The following TRPM6 variants were observed in gnomAD, a reference collection of about 807,000 sequenced individuals.
TRPM6 encodes the protein channel kinase 2.
Under a neutral mutation model 247.6 loss-of-function variants are expected in TRPM6, and 111 were observed. That is an observed-to-expected ratio of 0.45 (90% CI 0.38 to 0.52). The LOEUF (loss-of-function observed/expected upper bound fraction) is 0.52, where lower values mean the gene tolerates loss of function less well. Among genes scored for constraint, TRPM6 ranks in the 20% least tolerant of loss-of-function variants. The pLI is 0.00. For missense variants in TRPM6, 2,126 were observed against 2,421.5 expected, an observed-to-expected ratio of 0.88 and a Z score of 2.56; for synonymous variants, 892 against 853.8, an observed-to-expected ratio of 1.04 and a Z score of -0.78.
chr9:74,736,867 C>T (rs1184953046), intron 36 of TRPM6, among the ~76,000 whole-genome samples: 2 of 152,160 alleles, frequency 1.3e-5, no homozygotes, highest in Non-Finnish European at 2.9e-5. Context: ...AATCCCCAAA[C>T]ATAAACATCA....
At chr9:74,779,732 G>A (rs765942928) in intron 23 of TRPM6, among the ~76,000 whole-genome samples, 2 of 152,240 alleles carry the variant, frequency 1.3e-5, no homozygotes, top group Non-Finnish European at 2.9e-5. Flanking sequence ...GAGAAGAGGT[G>A]AGGAAGTGGC....
At chr9:74,847,826 A>G (rs546221778) in intron 3 of TRPM6, among the ~76,000 whole-genome samples, 60 of 152,242 alleles carry the variant, frequency 3.9e-4, no homozygotes, top group African/African-American at 1.3e-3. Flanking sequence ...AAAAATAGAT[A>G]AATAATGAAG....
intron 28 of TRPM6, 127 bp from the exon 29 acceptor site, chr9:74,752,495 T>A: frequency 1.6e-6 from 1 of 636,530 alleles, no homozygotes; most frequent in Non-Finnish European, 2.7e-6. Context: ...TCCCTTTCTG[T>A]TTTTAGCAAG....
chr9:74,853,864 A>AAAAT (rs1830444557), intron 3 of TRPM6, among the ~76,000 whole-genome samples: 1 of 152,158 alleles, frequency 6.6e-6, no homozygotes, highest in African/African-American at 2.4e-5. Context: ...TAAATACTAA[A>AAAAT]AAAATAAAAT....
chr9:74,838,847 C>A lies in TRPM6; in HGVS notation c.544+1177G>T, dbSNP rs144625106. 7.2e-3 allele frequency among the ~76,000 whole-genome samples: 1,094 copies of A among 152,192 alleles called. 5 individuals carry two copies. Among genetic ancestry groups the A allele is most frequent in the Non-Finnish European group, 0.011 (770 of 68,014 alleles). On this transcript the variant is annotated intron_variant, in intron 5 of 38. Coordinates refer to ENST00000360774, the MANE Select transcript of TRPM6 (RefSeq NM_017662.5). ...AGGTTAGGCCAGACATGGTGGCTCACGCCTGTAATCCCAGCACTTTGGGAG... is the reference window on the plus strand; with the variant it reads ...AGGTTAGGCCAGACATGGTGGCTCAAGCCTGTAATCCCAGCACTTTGGGAG...
At chr9:74,802,276 T>C (rs1587522736) in intron 15 of TRPM6, 101 bp from the exon 16 acceptor site, 1 of 1,063,144 alleles carries the variant, frequency 9.4e-7, no homozygotes, top group East Asian at 2.5e-5. Context: ...TTTTAATCAC[T>C]ACTAAAAAAG....
At chr9:74,735,583 T>C (rs1322401581) in intron 36 of TRPM6, among the ~76,000 whole-genome samples, 3 of 152,220 alleles carry the variant, frequency 2.0e-5, no homozygotes, top group African/African-American at 4.8e-5. Flanking sequence ...TAAAAATTAA[T>C]ATTAATATCT....
intron 5 of TRPM6, among the ~76,000 whole-genome samples, chr9:74,838,673 TA>T (rs1829807302): frequency 6.6e-6 from 1 of 152,160 alleles, no homozygotes; most frequent in South Asian, 2.1e-4. Flanking sequence ...CAAAAGTGAG[TA>T]GCTCTAGTTG....
chr9:74,722,819 G>A lies in TRPM6; in HGVS notation c.*1794C>T, dbSNP rs1325990655. On this transcript the variant is annotated 3_prime_UTR_variant, in exon 39 of 39. Coordinates refer to ENST00000360774, the MANE Select transcript of TRPM6 (RefSeq NM_017662.5). Reference sequence around the variant, plus strand: ...GTGGAACTCAAACTTACAAGAATCAGAGGCAATCATTGGCAAACTAAATTC... The same window carrying A: ...GTGGAACTCAAACTTACAAGAATCAAAGGCAATCATTGGCAAACTAAATTC... 2 of 152,204 alleles carry A rather than the reference G, an allele frequency of 1.3e-5. No individual in the cohort carries two copies. Among genetic ancestry groups the A allele is most frequent in the Non-Finnish European group, 2.9e-5 (2 of 68,036 alleles). 9.4% of individuals were successfully genotyped at this position (152,204 alleles called of 1,614,324 possible). A position where few individuals can be genotyped will look rare whatever the true frequency, so the allele number is the denominator to read the frequency against.
At chr9:74,879,704 G>A (rs1831300267) in intron 1 of TRPM6, among the ~76,000 whole-genome samples, 1 of 152,182 alleles carries the variant, frequency 6.6e-6, no homozygotes, top group African/African-American at 2.4e-5. Context: ...AACACATAGA[G>A]GTTCCTGAAG....
Position 74,771,824 on chromosome 9 carries a change from T to C in TRPM6, c.3415A>G (p.Ser1139Gly). Residue 1139 changes from serine (S) to glycine (G), a missense_variant, in exon 25 of 39, where the codon AGT becomes GGT. By Grantham distance (56) the Ser-to-Gly change is moderately conservative. This residue lies in a region of TRPM6 where 717 missense variants were observed against 715.9 expected (regional missense o/e 1.00). Transcript: ENST00000360774. ...EGDVGLKLYLSKEDLKKLHDF... is the reference protein window; with the variant it reads ...EGDVGLKLYLGKEDLKKLHDF... Reference sequence around the variant, plus strand: ...TGAAGTTTTTTCAGATCCTCCTTACTGAGGTAGAGTTCTATAGAAATAAGT... The same window carrying C: ...TGAAGTTTTTTCAGATCCTCCTTACCGAGGTAGAGTTCTATAGAAATAAGT... The C allele has an allele frequency of 1.9e-6, 3 of 1,613,768 alleles. No individual in the cohort carries two copies. Among genetic ancestry groups the C allele is most frequent in the Non-Finnish European group, 2.5e-6 (3 of 1,179,762 alleles).
intron 38 of TRPM6, 78 bp from the exon 39 acceptor site, chr9:74,724,824 C>G: frequency 1.3e-6 from 2 of 1,582,378 alleles, no homozygotes; most frequent in Admixed American, 1.7e-5. Flanking sequence ...GGACTTTAGG[C>G]TTTGCCAAGT....
At chr9:74,832,727 T>C (rs563892858) in intron 6 of TRPM6, among the ~76,000 whole-genome samples, 1 of 152,204 alleles carries the variant, frequency 6.6e-6, no homozygotes, top group Non-Finnish European at 1.5e-5. Context: ...ACTTCTCTAC[T>C]GCCTAATATG....
At chr9:74,822,795 A>T (rs1453305817) in intron 7 of TRPM6, among the ~76,000 whole-genome samples, 1 of 152,164 alleles carries the variant, frequency 6.6e-6, no homozygotes, top group Non-Finnish European at 1.5e-5. Flanking sequence ...GATGTAAGCA[A>T]AAAAGCTTAC....
At chr9:74,830,223 C>T (rs1400359115) in intron 6 of TRPM6, among the ~76,000 whole-genome samples, 1 of 151,576 alleles carries the variant, frequency 6.6e-6, no homozygotes, top group Non-Finnish European at 1.5e-5. Flanking sequence ...GATGTTGAAC[C>T]TCACTAGCAA....
chr9:74,878,343 C>G (rs1296950435), intron 1 of TRPM6, among the ~76,000 whole-genome samples: 1 of 152,160 alleles, frequency 6.6e-6, no homozygotes, highest in Admixed American at 6.6e-5. Context: ...CTACTAACAC[C>G]AGTGTCAGCA....
rs1299534574 is a variant in TRPM6, at chr9:74,792,512, T to A, written c.2538+112A>T. ...ACTTTGTCATGCCCTCACTTTTTTT[T>A]AACTAGGTTTCTACATTTTTAATGC... On this transcript the variant is annotated intron_variant, in intron 19 of 38. Coordinates refer to ENST00000360774, the MANE Select transcript of TRPM6 (RefSeq NM_017662.5). 9 of 1,228,740 alleles carry A rather than the reference T, an allele frequency of 7.3e-6. No homozygotes were observed. The East Asian group carries it at 1.9e-4, about 26-fold the overall frequency. 76.1% of individuals were successfully genotyped at this position (1,228,740 alleles called of 1,614,324 possible). A position where few individuals can be genotyped will look rare whatever the true frequency, so the allele number is the denominator to read the frequency against.
chr9:74,810,193 T>G (rs1828680058), intron 13 of TRPM6, among the ~76,000 whole-genome samples: 1 of 152,040 alleles, frequency 6.6e-6, no homozygotes, highest in African/African-American at 2.4e-5. Flanking sequence ...TAAAAGTCAC[T>G]GGTAATGGAA....
At chr9:74,887,155 G>A in intron 1 of TRPM6, 1 of 903,742 alleles carries the variant, frequency 1.1e-6, no homozygotes, top group Middle Eastern at 2.4e-4. Context: ...AGGAGCCAGC[G>A]GGGACTCCTG....
Sources: gnomAD v4.1 joint callset for allele counts (sites outside exome capture counted in the v4.1 genomes callset) on GRCh38, gnomAD v4.1.1 for gene constraint, gnomAD v4.1.1 regional missense constraint, MANE v1.5 for transcripts, NCBI Gene and HGNC (gene_info 2026-07-23, HGNC 2026-07-21) for gene names.